Variants in PPP3CA observed in about 807,000 individuals in gnomAD.
PPP3CA encodes CAM-PRP catalytic subunit.
A neutral mutation model predicts 66.5 loss-of-function variants in PPP3CA; 14 were observed. The ratio of observed to expected loss-of-function variants is 0.21; its 90% confidence interval spans 0.14 to 0.33. The LOEUF (loss-of-function observed/expected upper bound fraction) is 0.33. PPP3CA is among the 10% of genes least tolerant of loss of function. The probability of loss-of-function intolerance (pLI) is 1.00; values close to 1 mark genes in which losing one functional copy is unlikely to be tolerated. For synonymous variants in PPP3CA, 232 were observed against 226.2 expected (o/e 1.03, Z -0.23); for missense variants, 317 against 639.5 (o/e 0.50, Z 5.44).
chr4:101,034,494 C>A (rs1278375473), intron 11 of PPP3CA, among the ~76,000 whole-genome samples: 1 of 150,796 alleles, frequency 6.6e-6, no homozygotes, highest in Non-Finnish European at 1.5e-5. Flanking sequence ...TCCTGCCATG[C>A]CCCCACCCCC....
intron 2 of PPP3CA, among the ~76,000 whole-genome samples, chr4:101,177,665 G>GT (rs550059995): frequency 5.3e-5 from 8 of 152,056 alleles, no homozygotes; most frequent in African/African-American, 1.9e-4. Context: ...ATCAAACAAA[G>GT]TAAGAAAAGG....
chr4:101,101,274 C>CTT (rs1311004721), intron 3 of PPP3CA, among the ~76,000 whole-genome samples: 2 of 152,118 alleles, frequency 1.3e-5, no homozygotes, highest in Admixed American at 1.3e-4. Context: ...AGTCCGGTAG[C>CTT]TTAATGAGTC....
intron 2 of PPP3CA, among the ~76,000 whole-genome samples, chr4:101,182,321 T>A (rs910894239): frequency 6.6e-6 from 1 of 152,066 alleles, no homozygotes; most frequent in Non-Finnish European, 1.5e-5. Context: ...CTAATAAACA[T>A]TAAATAAAAC....
In PPP3CA at chr4:101,346,888, G is replaced by A; in HGVS notation, c.-92C>T. On this transcript the variant is annotated 5_prime_UTR_variant, in exon 1 of 14. Transcript: ENST00000394854. ...GGGCCAGACACTCAACGCCGCCGCC[G>A]CCGCCGCCGCCGCCGCGCTGCAAAC... 2 of 1,396,114 alleles carry A rather than the reference G, an allele frequency of 1.4e-6. No homozygotes were observed. The highest frequency in any genetic ancestry group is 2.0e-6 in the Non-Finnish European group (2 of 1,014,064). 86.5% of individuals were successfully genotyped at this position (1,396,114 alleles called of 1,614,324 possible). A position where few individuals can be genotyped will look rare whatever the true frequency, so the allele number is the denominator to read the frequency against.
chr4:101,167,900 G>T (rs13135924), intron 2 of PPP3CA, among the ~76,000 whole-genome samples: 74,199 of 151,962 alleles, frequency 0.49, 19,493 homozygotes, highest in Middle Eastern at 0.63. Flanking sequence ...CATAAAGGCA[G>T]AACAGGCAAA....
At chr4:101,179,432 C>G (rs1178903200) in intron 2 of PPP3CA, among the ~76,000 whole-genome samples, 3 of 152,138 alleles carry the variant, frequency 2.0e-5, no homozygotes, top group Non-Finnish European at 4.4e-5. Flanking sequence ...CACCACTGGT[C>G]TCAATTTGGT....
chr4:101,026,040 TGTG>T lies in PPP3CA; in HGVS notation c.1388_1390del (p.Pro463del), dbSNP rs1461984755. On this transcript the variant is annotated inframe_deletion, in exon 14 of 14. Transcript: ENST00000394854. The stretch of plus-strand genomic sequence containing the variant: ...TTCCTCGAAGCTAGTGATCTTATGT[TGTG>T]GTGAAAATCCTTTGATAGCTAAACA... 2.5e-6 allele frequency: 4 copies of T among 1,599,594 alleles called. No individual in the cohort carries two copies. Among genetic ancestry groups the T allele is most frequent in the African/African-American group, 1.4e-5 (1 of 73,982 alleles).
chr4:101,345,094 C>T (rs1029524509), intron 1 of PPP3CA, among the ~76,000 whole-genome samples: 1 of 152,212 alleles, frequency 6.6e-6, no homozygotes, highest in African/African-American at 2.4e-5. Context: ...CTGTGCATCT[C>T]TCTGCAGCCC....
chr4:101,029,362 A>AAAAAAAAAAAAAAAAAAAAAAC (rs1726826669), intron 12 of PPP3CA, among the ~76,000 whole-genome samples, 167 bp from the exon 13 acceptor site: 1 of 104,636 alleles, frequency 9.6e-6, no homozygotes, highest in Admixed American at 9.2e-5. Flanking sequence ...AAAAAAAAAA[A>AAAAAAAAAAAAAAAAAAAAAAC]AAAAAAAAAA....
chr4:101,268,748 G>C (rs1307941477), intron 1 of PPP3CA, among the ~76,000 whole-genome samples: 1 of 152,068 alleles, frequency 6.6e-6, no homozygotes, highest in Non-Finnish European at 1.5e-5. Flanking sequence ...TAACATATCT[G>C]AACCAAATGT....
intron 1 of PPP3CA, among the ~76,000 whole-genome samples, chr4:101,288,554 G>C (rs188432159): frequency 6.6e-6 from 1 of 151,062 alleles, no homozygotes; most frequent in African/African-American, 2.5e-5. Context: ...GCGGGAGGGG[G>C]AGGGGAGTGG....
chr4:101,336,604 T>C (rs1729642465), intron 1 of PPP3CA, among the ~76,000 whole-genome samples: 1 of 149,184 alleles, frequency 6.7e-6, no homozygotes, highest in Non-Finnish European at 1.5e-5. Context: ...AAAAGAAAGC[T>C]GTTTTTAATA....
chr4:101,072,632 T>C (rs905300808), intron 8 of PPP3CA, among the ~76,000 whole-genome samples: 20 of 152,218 alleles, frequency 1.3e-4, no homozygotes, highest in African/African-American at 4.8e-4. Context: ...GTTATTATTA[T>C]ATGCTATTTA....
Position 101,101,634 on chromosome 4 carries a change from GT to G in PPP3CA, c.385-1913del, listed in dbSNP as rs537167333. Among the ~76,000 whole-genome samples the G allele has an allele frequency of 1.3e-4, 19 of 149,654 alleles. No homozygotes were observed. In the East Asian group the frequency reaches 2.0e-3, roughly 15 times the overall value. On this transcript the variant is annotated intron_variant, in intron 3 of 13. Transcript: ENST00000394854. ...AAGGCACTTAGGCTACTTTTTTAAAGTTTTTTTTTTCTTTAAGAGAGGTATA... is the reference window on the plus strand; with the variant it reads ...AAGGCACTTAGGCTACTTTTTTAAAGTTTTTTTTTCTTTAAGAGAGGTATA...
At chr4:101,210,007 T>C (rs1725251374) in intron 1 of PPP3CA, among the ~76,000 whole-genome samples, 1 of 152,092 alleles carries the variant, frequency 6.6e-6, no homozygotes, top group Admixed American at 6.6e-5. Flanking sequence ...GTTTAGGAGA[T>C]TGTTGAAATT....
At chr4:101,312,990 T>C (rs1728774672) in intron 1 of PPP3CA, among the ~76,000 whole-genome samples, 1 of 152,166 alleles carries the variant, frequency 6.6e-6, no homozygotes, top group South Asian at 2.1e-4. Flanking sequence ...TTCTAATAAA[T>C]GTACAAAATC....
intron 5 of PPP3CA, among the ~76,000 whole-genome samples, chr4:101,096,384 C>A (rs762417702): frequency 5.4e-4 from 82 of 152,106 alleles, no homozygotes; most frequent in Non-Finnish European, 1.0e-3. Context: ...AGAAACACTA[C>A]AAATGAGAGC....
At chr4:101,098,280 G>A in intron 5 of PPP3CA, 87 bp downstream of exon 5, 1 of 1,353,712 alleles carries the variant, frequency 7.4e-7, no homozygotes, top group Non-Finnish European at 9.9e-7. Context: ...AAAGAATAAA[G>A]TCAGTGATAA....
At chr4:101,029,296 T>C in intron 12 of PPP3CA, 101 bp from the exon 13 acceptor site, 2 of 829,480 alleles carry the variant, frequency 2.4e-6, no homozygotes, top group Non-Finnish European at 3.7e-6. Flanking sequence ...CTAAGAGAAC[T>C]AATGTTCCTG....
Sources: allele counts gnomAD v4.1 joint callset (sites outside exome capture counted in the v4.1 genomes callset), GRCh38; gene constraint gnomAD v4.1.1; transcripts MANE v1.5; gene names NCBI Gene and HGNC (gene_info 2026-07-23, HGNC 2026-07-21).